CCND1: variants seen among roughly 807,000 people sequenced by gnomAD.
CCND1 encodes the protein cyclin D1.
CCND1 carries 9 observed loss-of-function variants against 26.1 expected under a neutral mutation model. The observed-to-expected ratio is 0.35, with a 90% CI of 0.21 to 0.60. The LOEUF is 0.60. Among genes scored for constraint, CCND1 ranks in the 20% least tolerant of loss-of-function variants. CCND1 has a pLI of 0.79. For missense variants in CCND1, 335 were observed against 392.9 expected, an observed-to-expected ratio of 0.85 and a Z score of 1.25; for synonymous variants, 194 against 166.1, an observed-to-expected ratio of 1.17 and a Z score of -1.29.
At position 69,651,662 on chromosome 11, in the gene CCND1, C is replaced by A. The variant is rs772901129; in HGVS notation, c.*380C>A. The A allele has an allele frequency of 1.2e-5, 3 of 246,078 alleles. No homozygotes were observed. The highest frequency in any genetic ancestry group is 2.4e-5 in the Non-Finnish European group (3 of 127,600). The allele number at this position is 246,078 out of a possible 1,614,324, so 15.2% of individuals were successfully genotyped here. A position where few individuals can be genotyped will look rare whatever the true frequency, so the allele number is the denominator to read the frequency against. Reference sequence around the variant, plus strand: ...AGGCATTAACACAAAGGAGGCGTCTCGGGAGAGGATTAGGTTCCATCCTTT... The same window carrying A: ...AGGCATTAACACAAAGGAGGCGTCTAGGGAGAGGATTAGGTTCCATCCTTT... On this transcript the variant is annotated 3_prime_UTR_variant, in exon 5 of 5. Transcript: ENST00000227507.
At chr11:69,645,895 G>A (rs890874160) in intron 3 of CCND1, among the ~76,000 whole-genome samples, 1 of 152,206 alleles carries the variant, frequency 6.6e-6, no homozygotes, top group African/African-American at 2.4e-5. Flanking sequence ...GGGCAGGTGC[G>A]CCCTTGGCTC....
rs2120088681 is a variant in CCND1 at position 69,643,089 on chromosome 11, A to C, written c.257A>C (p.Asp86Ala). 6.2e-7 allele frequency: 1 copy of C among 1,611,260 alleles called. No homozygotes were observed. The highest frequency in any genetic ancestry group is 8.5e-7 in the Non-Finnish European group (1 of 1,179,206). ...TTCCCGCTGGCCATGAACTACCTGGACCGCTTCCTGTCGCTGGAGCCCGTG... is the reference window on the plus strand; with the variant it reads ...TTCCCGCTGGCCATGAACTACCTGGCCCGCTTCCTGTCGCTGGAGCCCGTG... ...EVFPLAMNYL[D>A]RFLSLEPVKK... Residue 86 changes from aspartate to alanine, a missense_variant, in exon 2 of 5, where the codon GAC becomes GCC. Coordinates refer to ENST00000227507, the MANE Select transcript of CCND1 (RefSeq NM_053056.3).
intron 2 of CCND1, 92 bp from the exon 3 acceptor site, chr11:69,643,740 T>G: frequency 8.1e-7 from 1 of 1,230,728 alleles, no homozygotes; most frequent in East Asian, 2.5e-5. Context: ...GAGCCGGAGG[T>G]GCGGCGTGGC....
In CCND1 at chr11:69,651,549, A is replaced by G. The variant is rs1855856089; in HGVS notation, c.*267A>G. 2 of 357,044 alleles carry G rather than the reference A, an allele frequency of 5.6e-6. No individual in the cohort carries two copies. The highest frequency in any genetic ancestry group is 1.0e-5 in the Non-Finnish European group (2 of 199,832). 22.1% of individuals were successfully genotyped at this position (357,044 alleles called of 1,614,324 possible). On this transcript the variant is annotated 3_prime_UTR_variant, in exon 5 of 5. Transcript: ENST00000227507. ...GCATAACCCTGAGCGGTGGGGGAGG[A>G]GGGTTGTGCTACAGATGATAGAGGA...
chr11:69,643,834 A>G lies in CCND1; in HGVS notation c.417A>G (p.Gln139=). ...GGCCGCTCACCCTGTGTTCGCAGCAAATGGAGCTGCTCCTGGTGAACAAGC... is the reference window on the plus strand; with the variant it reads ...GGCCGCTCACCCTGTGTTCGCAGCAGATGGAGCTGCTCCTGGTGAACAAGC... ...DNSIRPEELL[Q]MELLLVNKLK... is the part of the protein sequence containing the mutation. Residue 139 remains glutamine, a splice_region_variant and synonymous_variant, in exon 3 of 5, where the codon CAA becomes CAG. Coordinates refer to ENST00000227507, the MANE Select transcript of CCND1 (RefSeq NM_053056.3). 2 of 1,606,284 alleles carry G rather than the reference A, an allele frequency of 1.2e-6. No homozygotes were observed. The highest frequency in any genetic ancestry group is 8.5e-7 in the Non-Finnish European group (1 of 1,174,380).
chr11:69,653,768 A>T lies in CCND1; in HGVS notation c.*2486A>T, dbSNP rs911885483. On this transcript the variant is annotated 3_prime_UTR_variant, in exon 5 of 5. Transcript: ENST00000227507. ...TTGCGTGTAGCTATGGAAGTTGCAT[A>T]ATTATTATTATTATTATTATAACAA... The T allele has an allele frequency of 1.4e-5, 4 of 282,072 alleles. No homozygotes were observed. Among genetic ancestry groups the T allele is most frequent in the African/African-American group, 8.6e-5 (4 of 46,530 alleles). The allele number at this position is 282,072 out of a possible 1,614,324, so 17.5% of individuals were successfully genotyped here.
At position 69,654,303 on chromosome 11, in the gene CCND1, C is replaced by T. The variant is rs1165392467; in HGVS notation, c.*3021C>T. On this transcript the variant is annotated 3_prime_UTR_variant, in exon 5 of 5. Transcript: ENST00000227507. This position sits in a 1 kb window ranked among gnomAD's most constrained non-coding sequence, Gnocchi z 6.3. The stretch of plus-strand genomic sequence containing the variant: ...CTGGTGGCAAGTGCACGGGGCACAG[C>T]GGAGTCTGTCCTGTGACGCGCAAGT... 11 of 702,528 alleles carry T rather than the reference C, an allele frequency of 1.6e-5. No individual in the cohort carries two copies. Among genetic ancestry groups the T allele is most frequent in the Admixed American group, 6.0e-5 (3 of 50,014 alleles). The allele number at this position is 702,528 out of a possible 1,614,324, so 43.5% of individuals were successfully genotyped here. A position where few individuals can be genotyped will look rare whatever the true frequency, so the allele number is the denominator to read the frequency against.
intron 3 of CCND1, among the ~76,000 whole-genome samples, chr11:69,646,606 G>A (rs586459): frequency 3.3e-5 from 5 of 151,956 alleles, no homozygotes; most frequent in Non-Finnish European, 5.9e-5. Context: ...CCCTGCCGAC[G>A]TCCGGCTCCC....
In CCND1 at chr11:69,653,819, T is replaced by C. The variant is rs913101981; in HGVS notation, c.*2537T>C. The C allele has an allele frequency of 2.8e-5, 9 of 323,782 alleles. No homozygotes were observed. In the South Asian group the frequency reaches 4.9e-4, roughly 18 times the overall value. The allele number at this position is 323,782 out of a possible 1,614,324, so 20.1% of individuals were successfully genotyped here. On this transcript the variant is annotated 3_prime_UTR_variant, in exon 5 of 5. Transcript: ENST00000227507. Reference sequence around the variant, plus strand: ...GTGTGTCTTACGTGCCACCACGGCGTTGTACCTGTAGGACTCTCATTCGGG... The same window carrying C: ...GTGTGTCTTACGTGCCACCACGGCGCTGTACCTGTAGGACTCTCATTCGGG...
Position 69,653,525 on chromosome 11 carries a change from C to G in CCND1, c.*2243C>G. 1 of 558,506 alleles carries G rather than the reference C, an allele frequency of 1.8e-6. No homozygotes were observed. Among genetic ancestry groups the G allele is most frequent in the Non-Finnish European group, 3.1e-6 (1 of 319,612 alleles). 34.6% of individuals were successfully genotyped at this position (558,506 alleles called of 1,614,324 possible). On this transcript the variant is annotated 3_prime_UTR_variant, in exon 5 of 5. Transcript: ENST00000227507. ...TCATGCTTCACTTAGCCATGGTGGA[C>G]CCAGCGGGCAGGTTCTGCCTGCTTT...
rs760341225 is a variant in CCND1 at position 69,641,474 on chromosome 11, C to G, written c.161C>G (p.Pro54Arg). The G allele has an allele frequency of 6.2e-6, 10 of 1,613,198 alleles. No individual in the cohort carries two copies. Among genetic ancestry groups the G allele is most frequent in the Admixed American group, 3.3e-5 (2 of 59,996 alleles). The change falls in exon 1 of 5, where the codon CCG (proline) becomes CGG (arginine). Residue 54 changes from proline (P) to arginine (R), a missense_variant. Coordinates refer to ENST00000227507, the MANE Select transcript of CCND1 (RefSeq NM_053056.3). ...AAATGTGTGCAGAAGGAGGTCCTGCCGTCCATGCGGAAGATCGTCGCCACC... is the reference window on the plus strand; with the variant it reads ...AAATGTGTGCAGAAGGAGGTCCTGCGGTCCATGCGGAAGATCGTCGCCACC... The part of the protein sequence containing the change: ...YFKCVQKEVL[P>R]SMRKIVATWM...
intron 3 of CCND1, among the ~76,000 whole-genome samples, chr11:69,645,917 A>G (rs1361706957): frequency 2.0e-5 from 3 of 152,182 alleles, no homozygotes; most frequent in Non-Finnish European, 4.4e-5. Context: ...GTGGGAGGCC[A>G]GGTGAGGAAC....
rs1443367693 is a variant in CCND1 at position 69,651,370 on chromosome 11, G to A, written c.*88G>A. The A allele has an allele frequency of 1.2e-5, 14 of 1,129,332 alleles. No homozygotes were observed. In the East Asian group the frequency reaches 3.5e-4, roughly 28 times the overall value. 70.0% of individuals were successfully genotyped at this position (1,129,332 alleles called of 1,614,324 possible). On this transcript the variant is annotated 3_prime_UTR_variant, in exon 5 of 5. Transcript: ENST00000227507. ...CCCCTGACAGTCCCTCCTCTCCGGAGCATTTTGATACCAGAAGGGAAAGCT... is the reference window on the plus strand; with the variant it reads ...CCCCTGACAGTCCCTCCTCTCCGGAACATTTTGATACCAGAAGGGAAAGCT...
chr11:69,654,461 C>A lies in CCND1; in HGVS notation c.*3179C>A. On this transcript the variant is annotated 3_prime_UTR_variant, in exon 5 of 5. Coordinates refer to ENST00000227507, the MANE Select transcript of CCND1 (RefSeq NM_053056.3). This position sits in a 1 kb window ranked among gnomAD's most constrained non-coding sequence, Gnocchi z 6.3. Reference sequence around the variant, plus strand: ...CAAACATGAAAGTCTAGAAATAAAACTGGTAAAACCCCAGCGTGGTGCCTG... The same window carrying A: ...CAAACATGAAAGTCTAGAAATAAAAATGGTAAAACCCCAGCGTGGTGCCTG... The A allele has an allele frequency of 1.5e-6, 1 of 654,544 alleles. No individual in the cohort carries two copies. 40.5% of individuals were successfully genotyped at this position (654,544 alleles called of 1,614,324 possible).
chr11:69,653,060 T>G lies in CCND1; in HGVS notation c.*1778T>G. On this transcript the variant is annotated 3_prime_UTR_variant, in exon 5 of 5. Coordinates refer to ENST00000227507, the MANE Select transcript of CCND1 (RefSeq NM_053056.3). ...AAAAACTTAGTGACAAAATAGACAA[T>G]TTGCACATCTTGGCTATGTAATTCT... 3.9e-6 allele frequency: 2 copies of G among 512,362 alleles called. No individual in the cohort carries two copies. Among genetic ancestry groups the G allele is most frequent in the Non-Finnish European group, 6.8e-6 (2 of 292,042 alleles). 31.7% of individuals were successfully genotyped at this position (512,362 alleles called of 1,614,324 possible). A position where few individuals can be genotyped will look rare whatever the true frequency, so the allele number is the denominator to read the frequency against.
At chr11:69,643,279 C>T (rs999579613) in intron 2 of CCND1, 33 bp downstream of exon 2, 14 of 1,510,430 alleles carry the variant, frequency 9.3e-6, no homozygotes, top group African/African-American at 1.4e-5. Flanking sequence ...CCCCGCCCCC[C>T]GCGAGCCGCA....
intron 1 of CCND1, among the ~76,000 whole-genome samples, chr11:69,641,912 T>G (rs1456045063): frequency 6.6e-6 from 1 of 152,100 alleles, no homozygotes; most frequent in East Asian, 1.9e-4. Flanking sequence ...GATTTGATTT[T>G]TAAATTAATA....
Position 69,643,071 on chromosome 11 carries a change from T to C in CCND1, c.239T>C (p.Leu80Pro), listed in dbSNP as rs1855730449. The C allele has an allele frequency of 6.2e-7, 1 of 1,608,196 alleles. No homozygotes were observed. The highest frequency in any genetic ancestry group is 8.5e-7 in the Non-Finnish European group (1 of 1,177,752). The change falls in exon 2 of 5, where the codon CTG (leucine) becomes CCG (proline). Residue 80 changes from leucine to proline, a missense_variant. Physicochemically the swap from Leu to Pro is moderately conservative, Grantham distance 98 (BLOSUM62 -3). Transcript: ENST00000227507. ...AAGTGCGAGGAGGAGGTCTTCCCGC[T>C]GGCCATGAACTACCTGGACCGCTTC... ...EQKCEEEVFP[L>P]AMNYLDRFLS...
rs1416359818 is a variant in CCND1 at position 69,643,739 on chromosome 11, G to T, written c.415-93G>T. The T allele has an allele frequency of 4.9e-6, 6 of 1,224,008 alleles. No homozygotes were observed. The East Asian group carries it at 7.4e-5, about 15-fold the overall frequency. 75.8% of individuals were successfully genotyped at this position (1,224,008 alleles called of 1,614,324 possible). On this transcript the variant is annotated intron_variant, in intron 2 of 4. Coordinates refer to ENST00000227507, the MANE Select transcript of CCND1 (RefSeq NM_053056.3). ...CAGGGGCCAGTGCTCTGAGCCGGAG[G>T]TGCGGCGTGGCCCGGCCCCCGTGCT... is the stretch of plus-strand genomic sequence containing the variant.
Sources: gnomAD v4.1 joint callset for allele counts (sites outside exome capture counted in the v4.1 genomes callset) on GRCh38, gnomAD v4.1.1 for gene constraint, Gnocchi (gnomAD v3.1) non-coding constraint, MANE v1.5 for transcripts, NCBI Gene and HGNC (gene_info 2026-07-23, HGNC 2026-07-21) for gene names.